The following HOPX variants were observed in gnomAD, a reference collection of about 807,000 sequenced individuals.
HOPX encodes homeodomain-only protein.
In HOPX, 5 loss-of-function variants were observed where a neutral mutation model predicts 11.8. The observed-to-expected ratio is 0.43, with a 90% CI of 0.22 to 0.89. HOPX has a LOEUF of 0.89. HOPX is among the 40% of genes least tolerant of loss of function. The probability of loss-of-function intolerance (pLI) is 0.28; values close to 1 mark genes in which losing one functional copy is unlikely to be tolerated. For missense variants in HOPX, 119 were observed against 120.0 expected, an observed-to-expected ratio of 0.99 and a Z score of 0.04; for synonymous variants, 49 against 49.7, an observed-to-expected ratio of 0.99 and a Z score of 0.06.
At chr4:56,650,795 G>GGA in intron 3 of HOPX, 1 of 1,549,708 alleles carries the variant, frequency 6.5e-7, no homozygotes, top group Admixed American at 2.0e-5. Context: ...TTTTGCTCCT[G>GGA]GAGATCAAAT....
chr4:56,675,946 CAAT>C (rs1223095068), intron 1 of HOPX, among the ~76,000 whole-genome samples: 1 of 151,886 alleles, frequency 6.6e-6, no homozygotes, highest in East Asian at 1.9e-4. Context: ...CTTCTACCAA[CAAT>C]GTCATCTTTC....
intron 1 of HOPX, among the ~76,000 whole-genome samples, chr4:56,674,131 T>A (rs1229775185): frequency 2.0e-5 from 3 of 151,688 alleles, no homozygotes; most frequent in African/African-American, 7.3e-5. Context: ...GGTGGCCTCC[T>A]GCTTTCTTCC....
chr4:56,663,105 A>G (rs920201106), intron 1 of HOPX: 1 of 152,194 alleles, frequency 6.6e-6, no homozygotes, highest in African/African-American at 2.4e-5. Flanking sequence ...TCACAAGAGT[A>G]AATTGAAATG....
At chr4:56,674,543 C>T (rs1355466787) in intron 1 of HOPX, among the ~76,000 whole-genome samples, 1 of 151,510 alleles carries the variant, frequency 6.6e-6, no homozygotes, top group Non-Finnish European at 1.5e-5. Flanking sequence ...GGTTTCCTGC[C>T]CAGTATACAC....
intron 1 of HOPX, chr4:56,672,852 G>A (rs1271856867): frequency 1.3e-5 from 2 of 152,060 alleles, no homozygotes; most frequent in Non-Finnish European, 2.9e-5. Context: ...ATATTGAGAA[G>A]GGGAGATCAC....
At chr4:56,655,320 C>G (rs6855727) in intron 3 of HOPX, among the ~76,000 whole-genome samples, 74,800 of 151,944 alleles carry the variant, frequency 0.49, 19,293 homozygotes, top group African/African-American at 0.64. Context: ...CATGCTTCAC[C>G]GCTCCTGCCA....
intron 1 of HOPX, chr4:56,681,043 A>G (rs767000213): frequency 1.2e-5 from 12 of 985,064 alleles, no homozygotes; most frequent in Non-Finnish European, 1.3e-5. Context: ...ATTCCCCTCG[A>G]CCCCATGCAG....
At chr4:56,659,504 G>C (rs544399403) in intron 1 of HOPX, 2 of 152,234 alleles carry the variant, frequency 1.3e-5, no homozygotes, top group Admixed American at 1.3e-4. Context: ...AACAGAAGTT[G>C]AGTATTCATC....
Position 56,672,137 on chromosome 4 carries a change from C to G in HOPX, c.-84+9118G>C, listed in dbSNP as rs1038717462. ...AAACATTTTAGAAACTTCACTCAAC[C>G]TCATGACTAATAAGATTTCTTAGAA... On this transcript the variant is annotated intron_variant, in intron 1 of 3. Transcript: ENST00000420433. Among the ~76,000 whole-genome samples the G allele has an allele frequency of 9.9e-5, 15 of 152,166 alleles. No homozygotes were observed. In the East Asian group the frequency reaches 2.9e-3, roughly 29 times the overall value.
At chr4:56,656,108 C>T (rs1560364820) in intron 2 of HOPX, 96 bp from the exon 3 acceptor site, 1 of 1,289,014 alleles carries the variant, frequency 7.8e-7, no homozygotes, top group Non-Finnish European at 9.9e-7. Context: ...GCAGCCCCAG[C>T]CCCAGGCCGC....
At chr4:56,674,177 A>G (rs968936265) in intron 1 of HOPX, among the ~76,000 whole-genome samples, 1 of 151,660 alleles carries the variant, frequency 6.6e-6, no homozygotes, top group African/African-American at 2.4e-5. Flanking sequence ...AGCCATCTCC[A>G]AAGATGCTAG....
At chr4:56,669,774 T>TA (rs1199895243) in intron 1 of HOPX, among the ~76,000 whole-genome samples, 1 of 152,092 alleles carries the variant, frequency 6.6e-6, no homozygotes, top group African/African-American at 2.4e-5. Flanking sequence ...TTATTATACA[T>TA]AAAATGTTAA....
intron 1 of HOPX, among the ~76,000 whole-genome samples, chr4:56,673,591 G>C (rs546516569): frequency 4.3e-4 from 66 of 152,286 alleles, no homozygotes; most frequent in South Asian, 8.3e-4. Flanking sequence ...AAGATGAAGA[G>C]CTGGTTATTG....
chr4:56,666,035 T>C (rs539856140), intron 1 of HOPX, among the ~76,000 whole-genome samples: 1 of 152,284 alleles, frequency 6.6e-6, no homozygotes, highest in Non-Finnish European at 1.5e-5. Context: ...TGGCTCCCTG[T>C]GGGTTGGGGC....
At chr4:56,649,009 C>T in intron 3 of HOPX, 1 of 422,910 alleles carries the variant, frequency 2.4e-6, no homozygotes, top group Non-Finnish European at 4.3e-6. Flanking sequence ...TCTCTTTATT[C>T]TTTATCTGAT....
chr4:56,669,684 TAA>T (rs1178965583), intron 1 of HOPX, among the ~76,000 whole-genome samples: 13 of 150,388 alleles, frequency 8.6e-5, no homozygotes, highest in African/African-American at 3.2e-4. Flanking sequence ...ATAATAATAA[TAA>T]TAATAATAAT....
chr4:56,657,723 GC>G (rs1230125966), intron 2 of HOPX, 51 bp downstream of exon 2: 2 of 777,474 alleles, frequency 2.6e-6, no homozygotes, highest in African/African-American at 1.7e-5. Flanking sequence ...TGCACCCATT[GC>G]CCGTACCTTT....
At chr4:56,657,028 G>T (rs1473553721) in intron 2 of HOPX, among the ~76,000 whole-genome samples, 2 of 152,140 alleles carry the variant, frequency 1.3e-5, no homozygotes, top group Non-Finnish European at 2.9e-5. Context: ...CAAGCTTCAA[G>T]ATCTCTTGTA....
At chr4:56,660,746 G>T (rs1718070282) in intron 1 of HOPX, among the ~76,000 whole-genome samples, 2 of 152,156 alleles carry the variant, frequency 1.3e-5, no homozygotes, top group South Asian at 2.1e-4. Flanking sequence ...ACATGATTAG[G>T]TATCAAATAG....
Sources: allele counts gnomAD v4.1 joint callset (sites outside exome capture counted in the v4.1 genomes callset), GRCh38; gene constraint gnomAD v4.1.1; transcripts MANE v1.5; gene names NCBI Gene and HGNC (gene_info 2026-07-23, HGNC 2026-07-21).